The following ADAMTS3 variants were observed in gnomAD, a reference collection of about 807,000 sequenced individuals.
ADAMTS3 encodes the protein A disintegrin and metalloproteinase with thrombospondin motifs 3.
ADAMTS3 carries 73 observed loss-of-function variants against 129.0 expected under a neutral mutation model. The observed-to-expected ratio is 0.57, with a 90% CI of 0.47 to 0.69. The LOEUF is 0.69. Ranked by LOEUF, ADAMTS3 falls within the 30% of genes least tolerant of loss-of-function variation. ADAMTS3 has a pLI of 0.00. For synonymous variants in ADAMTS3, 477 were observed against 510.8 expected (o/e 0.93, Z 0.89); for missense variants, 1,457 against 1,514.5 (o/e 0.96, Z 0.63).
intron 3 of ADAMTS3, among the ~76,000 whole-genome samples, chr4:72,529,998 T>A (rs1303959011): frequency 5.4e-5 from 1 of 18,610 alleles, no homozygotes; most frequent in Non-Finnish European, 8.6e-5. Context: ...ATTATATTTA[T>A]ATATAATATA....
chr4:72,538,580 C>G (rs1721239665), intron 3 of ADAMTS3, among the ~76,000 whole-genome samples: 3 of 151,874 alleles, frequency 2.0e-5, no homozygotes, highest in Non-Finnish European at 4.4e-5. Flanking sequence ...TAGATAAATA[C>G]AGGCTGAAGG....
chr4:72,330,340 T>G (rs1320828998), intron 5 of ADAMTS3: 3 of 152,170 alleles, frequency 2.0e-5, no homozygotes, highest in Non-Finnish European at 4.4e-5. Flanking sequence ...TTTATGTATC[T>G]AACAGTGATT....
At chr4:72,324,581 GCA>G (rs749157450) in intron 5 of ADAMTS3, among the ~76,000 whole-genome samples, 2 of 151,992 alleles carry the variant, frequency 1.3e-5, no homozygotes, top group Non-Finnish European at 2.9e-5. Flanking sequence ...ACATGCACAT[GCA>G]CACACACATG....
chr4:72,438,867 T>TCAAAAAAGATCAACTTGCTTAAGACC (rs1718037641), intron 3 of ADAMTS3, among the ~76,000 whole-genome samples: 1 of 151,646 alleles, frequency 6.6e-6, no homozygotes, highest in Non-Finnish European at 1.5e-5. Flanking sequence ...TGCTAAGACA[T>TCAAAAAAGATCAACTTGCTTAAGACC]CAAAAAAGAT....
intron 3 of ADAMTS3, among the ~76,000 whole-genome samples, chr4:72,434,530 A>C (rs1722774026): frequency 2.6e-5 from 4 of 151,800 alleles, no homozygotes; most frequent in Admixed American, 6.6e-5. Flanking sequence ...TGTAGTAGGC[A>C]GAATTCTAAG....
intron 3 of ADAMTS3, among the ~76,000 whole-genome samples, chr4:72,479,548 A>T (rs1201394306): frequency 6.6e-6 from 1 of 152,194 alleles, no homozygotes; most frequent in African/African-American, 2.4e-5. Flanking sequence ...TTAACTCAAG[A>T]TGGATTAAAG....
intron 3 of ADAMTS3, among the ~76,000 whole-genome samples, chr4:72,471,094 A>G (rs1719061136): frequency 6.6e-6 from 1 of 152,168 alleles, no homozygotes; most frequent in Non-Finnish European, 1.5e-5. Flanking sequence ...CAGTTATTCA[A>G]ACTTGGATAT....
At chr4:72,451,922 C>T (rs1438799419) in intron 3 of ADAMTS3, among the ~76,000 whole-genome samples, 1 of 151,488 alleles carries the variant, frequency 6.6e-6, no homozygotes, top group African/African-American at 2.4e-5. Context: ...CATAATGAGA[C>T]CCCCTTCTCT....
Position 72,288,858 on chromosome 4 carries a change from G to T in ADAMTS3, c.2942C>A (p.Thr981Asn). 6.2e-7 allele frequency: 1 copy of T among 1,609,272 alleles called. No homozygotes were observed. The highest frequency in any genetic ancestry group is 1.1e-5 in the South Asian group (1 of 90,960). The part of the protein sequence containing the change: ...KTGPWSECSV[T>N]CGEGTEVRQV... ...CCTCACCTCCGTTCCTTCACCGCAG[G>T]TCACTGAACACTGCAGAGACAAAGG... The change falls in exon 21 of 22, where the codon ACC becomes AAC. Residue 981 changes from threonine (T) to asparagine (N), a missense_variant. Transcript: ENST00000286657.
At chr4:72,548,957 G>A in intron 2 of ADAMTS3, 73 bp from the exon 3 acceptor site, 1 of 1,395,156 alleles carries the variant, frequency 7.2e-7, no homozygotes, top group Non-Finnish European at 9.7e-7. Flanking sequence ...ACAGACAAAA[G>A]CTGCCCACCT....
At chr4:72,404,410 GA>G (rs2109913234) in intron 4 of ADAMTS3, among the ~76,000 whole-genome samples, 1 of 152,126 alleles carries the variant, frequency 6.6e-6, no homozygotes, top group Admixed American at 6.6e-5. Context: ...ATGGGGAAAG[GA>G]GAGTCTCCTC....
At chr4:72,491,376 G>C (rs1030484803) in intron 3 of ADAMTS3, among the ~76,000 whole-genome samples, 8 of 151,676 alleles carry the variant, frequency 5.3e-5, no homozygotes, top group Non-Finnish European at 8.9e-5. Context: ...GTATTGTTCA[G>C]TATCTCAGAA....
chr4:72,478,084 T>A (rs892853847), intron 3 of ADAMTS3, among the ~76,000 whole-genome samples: 1 of 152,170 alleles, frequency 6.6e-6, no homozygotes, highest in Non-Finnish European at 1.5e-5. Flanking sequence ...CAGGACCAGA[T>A]GGTTTCACAG....
At chr4:72,509,622 G>A (rs1720258875) in intron 3 of ADAMTS3, among the ~76,000 whole-genome samples, 1 of 151,864 alleles carries the variant, frequency 6.6e-6, no homozygotes, top group Admixed American at 6.6e-5. Context: ...AAGCCATAAT[G>A]AAAACTCTCC....
chr4:72,332,207 T>C (rs977240922), intron 5 of ADAMTS3, among the ~76,000 whole-genome samples: 33 of 151,860 alleles, frequency 2.2e-4, no homozygotes, highest in African/African-American at 7.8e-4. Context: ...TGCATTGCAC[T>C]CACATTCAAT....
intron 3 of ADAMTS3, among the ~76,000 whole-genome samples, chr4:72,544,112 AAGC>A (rs1721406379): frequency 6.6e-6 from 1 of 152,128 alleles, no homozygotes; most frequent in Non-Finnish European, 1.5e-5. Context: ...TAGGATGACA[AAGC>A]ACCATAAAAC....
intron 4 of ADAMTS3, among the ~76,000 whole-genome samples, chr4:72,382,189 A>G (rs925763838): frequency 1.3e-5 from 2 of 152,122 alleles, no homozygotes; most frequent in African/African-American, 4.8e-5. Flanking sequence ...AATATATTTT[A>G]TATTATGGCA....
At chr4:72,542,043 A>G (rs1458754072) in intron 3 of ADAMTS3, among the ~76,000 whole-genome samples, 9 of 152,234 alleles carry the variant, frequency 5.9e-5, no homozygotes, top group Non-Finnish European at 1.2e-4. Flanking sequence ...TTCCTTAAAC[A>G]TGGATAATTA....
chr4:72,561,032 G>C (rs949221703), intron 2 of ADAMTS3, among the ~76,000 whole-genome samples: 1 of 152,052 alleles, frequency 6.6e-6, no homozygotes, highest in African/African-American at 2.4e-5. Context: ...TCCTCTCCTG[G>C]ATATATAGAT....
Sources: allele counts gnomAD v4.1 joint callset (sites outside exome capture counted in the v4.1 genomes callset), GRCh38; gene constraint gnomAD v4.1.1; transcripts MANE v1.5; gene names NCBI Gene and HGNC (gene_info 2026-07-23, HGNC 2026-07-21).